Variants in NIBAN3 observed in about 807,000 individuals in gnomAD.
The protein encoded by NIBAN3 is protein Niban 3.
NIBAN3 carries 66 observed loss-of-function variants against 76.4 expected under a neutral mutation model. That is an observed-to-expected ratio of 0.86 (90% CI 0.71 to 1.06). The LOEUF (loss-of-function observed/expected upper bound fraction) is 1.06. Ranked by LOEUF, NIBAN3 falls within the 50% of genes least tolerant of loss-of-function variation. The probability of loss-of-function intolerance (pLI) is 0.00; values close to 1 mark genes in which losing one functional copy is unlikely to be tolerated. For missense variants in NIBAN3, 808 were observed against 810.7 expected, an observed-to-expected ratio of 1.00 and a Z score of 0.04; for synonymous variants, 360 against 355.2, an observed-to-expected ratio of 1.01 and a Z score of -0.15.
At chr19:17,545,823 G>A (rs1389042622) in intron 12 of NIBAN3, 2 of 272,230 alleles carry the variant, frequency 7.3e-6, no homozygotes, top group Admixed American at 8.1e-5. Flanking sequence ...ATCACAGGGA[G>A]ACGGTTAGGT....
chr19:17,553,437 C>T lies in NIBAN3; in HGVS notation c.*1539C>T, dbSNP rs767592028. ...CAGCTTCTCTGCTGTCTTGCAGCTG[C>T]TTCCGGAGTGGGTTCCACAGGGATT... On this transcript the variant is annotated 3_prime_UTR_variant, in exon 15 of 15. Coordinates refer to ENST00000599164, the MANE Select transcript of NIBAN3 (RefSeq NM_001321827.2). The T allele has an allele frequency of 4.3e-6, 7 of 1,614,108 alleles. No individual in the cohort carries two copies. In the African/African-American group the frequency reaches 8.0e-5, roughly 18 times the overall value.
chr19:17,527,221 G>A (rs2075619500), upstream of NIBAN3: 1 of 1,547,972 alleles, frequency 6.5e-7, no homozygotes, highest in Non-Finnish European at 8.7e-7. Flanking sequence ...TGGGGCAGGG[G>A]CGGGGCCTCT....
At chr19:17,531,326 AACAC>A (rs35489460) in intron 2 of NIBAN3, among the ~76,000 whole-genome samples, 15,433 of 128,738 alleles carry the variant, frequency 0.12, 910 homozygotes, top group African/African-American at 0.16. Context: ...GACTCTGTCA[AACAC>A]ACACACACAC....
In NIBAN3 at chr19:17,549,941, C is replaced by T. The variant is rs2076128100; in HGVS notation, c.1750+414C>T. 6 of 352,526 alleles carry T rather than the reference C, an allele frequency of 1.7e-5. No individual in the cohort carries two copies. In the East Asian group the frequency reaches 1.8e-4, roughly 11 times the overall value. 21.8% of individuals were successfully genotyped at this position (352,526 alleles called of 1,614,324 possible). ...AAGTGAATCTCCTGCCTCAGCCTCC[C>T]GAGTAGCTGGGACTACAGGCGGCAC... On this transcript the variant is annotated intron_variant, in intron 14 of 14. Transcript: ENST00000599164.
In NIBAN3 at chr19:17,540,567, G is replaced by C; in HGVS notation, c.1155G>C (p.Thr385=). The stretch of plus-strand genomic sequence containing the variant: ...GCCTGCGCCAGAGCCCCTCAGGCAC[G>C]CGGCTGCGCAGGGAGGTGAGCTCCC... ...SHRLRQSPSG[T]RLRREVYSFG... Residue 385 remains threonine, a synonymous_variant, in exon 9 of 15, where the codon ACG becomes ACC. Transcript: ENST00000599164. The C allele has an allele frequency of 6.6e-7, 1 of 1,520,886 alleles. No individual in the cohort carries two copies. Among genetic ancestry groups the C allele is most frequent in the Non-Finnish European group, 8.8e-7 (1 of 1,131,830 alleles). The allele number at this position is 1,520,886 out of a possible 1,614,324, so 94.2% of individuals were successfully genotyped here.
intron 12 of NIBAN3, chr19:17,545,472 C>G (rs1306331929): frequency 1.0e-4 from 19 of 187,276 alleles, no homozygotes; most frequent in Non-Finnish European, 4.3e-5. Context: ...CGGGGGACCA[C>G]TACTACCAAG....
At chr19:17,529,996 G>C (rs2075683639) in intron 1 of NIBAN3, among the ~76,000 whole-genome samples, 1 of 151,984 alleles carries the variant, frequency 6.6e-6, no homozygotes, top group Non-Finnish European at 1.5e-5. Context: ...AGGAGGTCAA[G>C]GCTGCAGTGA....
At chr19:17,545,408 G>A (rs1295422004) in intron 12 of NIBAN3, 4 of 178,148 alleles carry the variant, frequency 2.2e-5, no homozygotes, top group Non-Finnish European at 4.7e-5. Context: ...AGAGACAAGA[G>A]AGTGTAGAAA....
At position 17,537,408 on chromosome 19, in the gene NIBAN3, T is replaced by G; in HGVS notation, c.460T>G (p.Leu154Val). 6.2e-7 allele frequency: 1 copy of G among 1,614,142 alleles called. No homozygotes were observed. The highest frequency in any genetic ancestry group is 8.5e-7 in the Non-Finnish European group (1 of 1,180,020). ...DHTQEEPDSL[L>V]EVPVSFPLFL... is the part of the protein sequence containing the mutation. ...TACTCAGGAAGAGCCTGACTCCCTC[T>G]TGGAAGTGCCTGTGAGCTTCCCGCT... The change falls in exon 5 of 15, where the codon TTG (leucine) becomes GTG (valine). Residue 154 changes from leucine to valine, a missense_variant. Transcript: ENST00000599164.
At chr19:17,529,262 T>C (rs1389356759) in intron 1 of NIBAN3, among the ~76,000 whole-genome samples, 5 of 152,016 alleles carry the variant, frequency 3.3e-5, no homozygotes, top group East Asian at 1.9e-4. Flanking sequence ...GGGATTTTTT[T>C]CCCCCAGATA....
Position 17,532,017 on chromosome 19 carries a change from C to T in NIBAN3, c.187-246C>T, listed in dbSNP as rs548944151. Among the ~76,000 whole-genome samples, 26 of 152,356 alleles carry T rather than the reference C, an allele frequency of 1.7e-4. No homozygotes were observed. In the South Asian group the frequency reaches 1.9e-3, roughly 11 times the overall value. On this transcript the variant is annotated intron_variant, in intron 2 of 14. Transcript: ENST00000599164. ...CGCTTATTACTAATGCTTGGTCCCA[C>T]GCTCCAGTTGGGGCTGAGATTTTTT...
intron 4 of NIBAN3, among the ~76,000 whole-genome samples, chr19:17,536,115 G>A (rs79683695): frequency 0.056 from 8,575 of 152,148 alleles, 485 homozygotes; most frequent in Admixed American, 0.18. Context: ...TATCGTCTCT[G>A]GGGGCTGAGG....
chr19:17,543,789 G>C, intron 12 of NIBAN3, 158 bp downstream of exon 12: 1 of 579,202 alleles, frequency 1.7e-6, no homozygotes, highest in Non-Finnish European at 3.0e-6. Flanking sequence ...TCAGGAGTTC[G>C]AGACTAGCCT....
intron 14 of NIBAN3, among the ~76,000 whole-genome samples, 191 bp from the exon 15 acceptor site, chr19:17,551,595 A>G (rs1293312831): frequency 6.6e-6 from 1 of 152,006 alleles, no homozygotes; most frequent in Non-Finnish European, 1.5e-5. Context: ...TTTAGTAAAG[A>G]TGAGGTTTCA....
chr19:17,529,208 G>C (rs183984881), intron 1 of NIBAN3, among the ~76,000 whole-genome samples: 1 of 152,192 alleles, frequency 6.6e-6, no homozygotes, highest in Non-Finnish European at 1.5e-5. Context: ...TCATGGGGCT[G>C]GGGGGGCATT....
upstream of NIBAN3, among the ~76,000 whole-genome samples, chr19:17,523,685 C>T (rs1218411786): frequency 6.6e-6 from 1 of 152,168 alleles, no homozygotes; most frequent in Non-Finnish European, 1.5e-5. Context: ...GAGTGAAATT[C>T]ACCCTTCCCA....
chr19:17,523,489 A>C, upstream of NIBAN3: 2 of 1,543,368 alleles, frequency 1.3e-6, no homozygotes, highest in African/African-American at 2.7e-5. Context: ...AGCTGAGCGG[A>C]AGCTCAGCTG....
intron 4 of NIBAN3, among the ~76,000 whole-genome samples, chr19:17,534,212 C>T (rs530285837): frequency 2.6e-5 from 4 of 152,028 alleles, no homozygotes; most frequent in South Asian, 4.2e-4. Flanking sequence ...AAAACAACAA[C>T]AAAAACAATT....
At chr19:17,537,622 C>A in intron 5 of NIBAN3, 79 bp downstream of exon 5, 1 of 1,326,988 alleles carries the variant, frequency 7.5e-7, no homozygotes, top group South Asian at 1.5e-5. Flanking sequence ...GGCTCGGGAC[C>A]TCTCCAGGCC....
Sources: gnomAD v4.1 joint callset for allele counts (sites outside exome capture counted in the v4.1 genomes callset) on GRCh38, gnomAD v4.1.1 for gene constraint, MANE v1.5 for transcripts, NCBI Gene and HGNC (gene_info 2026-07-23, HGNC 2026-07-21) for gene names.